The following TACO1 variants were observed in gnomAD, a reference collection of about 807,000 sequenced individuals.
TACO1 encodes the protein translational activator of cytochrome c oxidase I.
A neutral mutation model predicts 24.0 loss-of-function variants in TACO1; 13 were observed. The ratio of observed to expected loss-of-function variants is 0.54; its 90% confidence interval spans 0.35 to 0.86. TACO1 has a LOEUF of 0.86. Ranked by LOEUF, TACO1 falls within the 40% of genes least tolerant of loss-of-function variation. TACO1 has a pLI of 0.01. For synonymous variants in TACO1, 149 were observed against 153.5 expected, an observed-to-expected ratio of 0.97 and a Z score of 0.22; for missense variants, 352 against 380.1, an observed-to-expected ratio of 0.93 and a Z score of 0.61.
In TACO1 at chr17:63,601,167, T is replaced by C. The variant is rs1230358536; in HGVS notation, c.84T>C (p.Pro28=). The part of the protein sequence containing the change: ...LARGPGVRAA[P]PRDPRPSHPE... ...GAGGCCCCGGGGTCAGGGCGGCTCC[T>C]CCGCGCGACCCCCGGCCCTCCCACC... The change falls in exon 1 of 5, where the codon CCT becomes CCC. Residue 28 remains proline, a synonymous_variant. Coordinates refer to ENST00000258975, the MANE Select transcript of TACO1 (RefSeq NM_016360.4). 4.5e-6 allele frequency: 7 copies of C among 1,546,274 alleles called. 1 individual carries two copies. The South Asian group carries it at 8.3e-5, about 18-fold the overall frequency.
chr17:63,601,006 C>G lies in TACO1; in HGVS notation c.-78C>G. 2.0e-6 allele frequency: 3 copies of G among 1,505,516 alleles called. No homozygotes were observed. The South Asian group carries it at 3.6e-5, about 18-fold the overall frequency. The allele number at this position is 1,505,516 out of a possible 1,614,324, so 93.3% of individuals were successfully genotyped here. On this transcript the variant is annotated 5_prime_UTR_variant, in exon 1 of 5. Transcript: ENST00000258975. Reference sequence around the variant, plus strand: ...GCACAGGCGGCCGCGGGGTCCGGAACTGCTTGTTCCGGCAGTGGAAGAGAC... The same window carrying G: ...GCACAGGCGGCCGCGGGGTCCGGAAGTGCTTGTTCCGGCAGTGGAAGAGAC...
At chr17:63,601,461 C>A in intron 1 of TACO1, 98 bp downstream of exon 1, 1 of 1,365,334 alleles carries the variant, frequency 7.3e-7, no homozygotes, top group Non-Finnish European at 1.0e-6. Context: ...AGATCTCCGG[C>A]CCTTCACTTT....
Position 63,606,373 on chromosome 17 carries a change from A to G in TACO1, c.448A>G (p.Ile150Val), listed in dbSNP as rs551788479. 24 of 1,614,174 alleles carry G rather than the reference A, an allele frequency of 1.5e-5. No individual in the cohort carries two copies. In the African/African-American group the frequency reaches 1.9e-4, roughly 13 times the overall value. ...AGGCCCTGGTGGCTCTTCTCTGCTC[A>G]TCGAGGCATTATCTAACAGTAGCCA... ...GRGPGGSSLL[I>V]EALSNSSHKC... is the part of the protein sequence containing the mutation. Residue 150 changes from isoleucine (I) to valine (V), a missense_variant, in exon 3 of 5, where the codon ATC becomes GTC. Ile to Val is a conservative substitution (Grantham distance 29). Coordinates refer to ENST00000258975, the MANE Select transcript of TACO1 (RefSeq NM_016360.4).
At chr17:63,603,680 C>T (rs1458124491) in intron 1 of TACO1, among the ~76,000 whole-genome samples, 3 of 151,784 alleles carry the variant, frequency 2.0e-5, no homozygotes, top group Non-Finnish European at 4.4e-5. Context: ...CATGCCACTG[C>T]ACTCCAGCAT....
rs2033814744 is a variant in TACO1 at position 63,600,927 on chromosome 17, A to G, written c.-157A>G. On this transcript the variant is annotated 5_prime_UTR_variant, in exon 1 of 5. Transcript: ENST00000258975. ...GGTGCCGCGGGGACAGTGTAGGGTC[A>G]TTAGCTGTTGAGCCGCCCCGGGCGG... 1.4e-5 allele frequency: 11 copies of G among 777,518 alleles called. No homozygotes were observed. The highest frequency in any genetic ancestry group is 8.3e-5 in the South Asian group (5 of 59,920). The allele number at this position is 777,518 out of a possible 1,614,324, so 48.2% of individuals were successfully genotyped here.
chr17:63,605,104 C>G (rs750369216), intron 2 of TACO1, among the ~76,000 whole-genome samples: 2 of 151,922 alleles, frequency 1.3e-5, no homozygotes, highest in Non-Finnish European at 2.9e-5. Context: ...CGTCCTTGGT[C>G]ATTGGTTCTA....
intron 3 of TACO1, chr17:63,606,783 A>G (rs999544152): frequency 5.4e-6 from 2 of 373,656 alleles, no homozygotes; most frequent in Non-Finnish European, 1.0e-5. Context: ...TCCTGATCTC[A>G]GGTGATCCAC....
At position 63,601,243 on chromosome 17, in the gene TACO1, G is replaced by A. The variant is rs1413899360; in HGVS notation, c.160G>A (p.Ala54Thr). ...AAPGRTLHFTAAVPAGHNKWS... is the reference protein window; with the variant it reads ...AAPGRTLHFTTAVPAGHNKWS... ...TCCGGGCAGGACGCTGCACTTTACC[G>A]CGGCTGTCCCCGCCGGGCACAACAA... Residue 54 changes from alanine to threonine, a missense_variant, in exon 1 of 5, where the codon GCG becomes ACG. Transcript: ENST00000258975. 4 of 1,607,244 alleles carry A rather than the reference G, an allele frequency of 2.5e-6. No homozygotes were observed. The highest frequency in any genetic ancestry group is 2.2e-5 in the East Asian group (1 of 44,674).
In TACO1 at chr17:63,601,059, A is replaced by C; in HGVS notation, c.-25A>C. ...GCCGGCGTTGGCCGCTGCTGCTAGC[A>C]GCTTGAACCCCAGGGTCGGGACCGA... On this transcript the variant is annotated 5_prime_UTR_variant, in exon 1 of 5. Transcript: ENST00000258975. 1 of 1,538,170 alleles carries C rather than the reference A, an allele frequency of 6.5e-7. No homozygotes were observed. The highest frequency in any genetic ancestry group is 1.2e-5 in the South Asian group (1 of 83,874).
Position 63,607,425 on chromosome 17 carries a change from C to T in TACO1, c.654C>T (p.Val218=). ...EMAIEAGAED[V]KETEDEEERN... ...CAATCGAAGCAGGAGCTGAGGATGT[C>T]AAGGAAACTGAAGATGAAGAAGAAA... is the stretch of plus-strand genomic sequence containing the variant. The change falls in exon 4 of 5, where the codon GTC becomes GTT. Residue 218 remains valine (V), a synonymous_variant. Transcript: ENST00000258975. 6.2e-7 allele frequency: 1 copy of T among 1,614,114 alleles called. No homozygotes were observed. Among genetic ancestry groups the T allele is most frequent in the Non-Finnish European group, 8.5e-7 (1 of 1,180,034 alleles).
intron 3 of TACO1, chr17:63,607,032 A>G: frequency 3.6e-6 from 2 of 555,620 alleles, no homozygotes; most frequent in Non-Finnish European, 6.5e-6. Context: ...TGGCATCTTA[A>G]TGGCACAGGA....
Position 63,607,832 on chromosome 17 carries a change from G to C in TACO1, c.724G>C (p.Val242Leu). The C allele has an allele frequency of 6.2e-7, 1 of 1,614,138 alleles. No homozygotes were observed. Among genetic ancestry groups the C allele is most frequent in the Non-Finnish European group, 8.5e-7 (1 of 1,180,040 alleles). Residue 242 changes from valine (V) to leucine (L), a missense_variant, in exon 5 of 5, where the codon GTG (valine) becomes CTG (leucine). Transcript: ENST00000258975. ...FICDASSLHQ[V>L]RKKLDSLGLC... ...TTGTGATGCCTCTTCACTGCACCAA[G>C]TGAGGAAGAAGCTGGACTCCCTGGG...
chr17:63,606,174 C>CA, intron 2 of TACO1, 139 bp from the exon 3 acceptor site: 1 of 1,149,538 alleles, frequency 8.7e-7, no homozygotes. Flanking sequence ...AGGGTGGGGA[C>CA]AAAAATAAAG....
chr17:63,604,674 C>T, intron 2 of TACO1, 34 bp downstream of exon 2: 1 of 1,578,174 alleles, frequency 6.3e-7, no homozygotes, highest in Non-Finnish European at 8.7e-7. Context: ...TTATTGATCA[C>T]AGCCTCTACC....
At chr17:63,606,223 T>G in intron 2 of TACO1, 90 bp from the exon 3 acceptor site, 290 of 1,499,332 alleles carry the variant, frequency 1.9e-4, no homozygotes, top group Middle Eastern at 2.4e-4. Context: ...GCCCATCCCA[T>G]GGAGTTAGTT....
Position 63,608,263 on chromosome 17 carries a change from A to G in TACO1, c.*261A>G, listed in dbSNP as rs1007611128. 1 of 530,842 alleles carries G rather than the reference A, an allele frequency of 1.9e-6. No individual in the cohort carries two copies. The highest frequency in any genetic ancestry group is 1.9e-5 in the African/African-American group (1 of 52,440). The allele number at this position is 530,842 out of a possible 1,614,324, so 32.9% of individuals were successfully genotyped here. ...AGGGCAGGACCACCCAGCTGGTCAG[A>G]CTCTGATGTTGGGTAGCTGGCCTCT... On this transcript the variant is annotated 3_prime_UTR_variant, in exon 5 of 5. Transcript: ENST00000258975.
chr17:63,606,264 T>A, intron 2 of TACO1, 49 bp from the exon 3 acceptor site: 1 of 1,611,490 alleles, frequency 6.2e-7, no homozygotes, highest in Non-Finnish European at 8.5e-7. Context: ...GGCTGACATG[T>A]GGGAAGGAAT....
intron 2 of TACO1, among the ~76,000 whole-genome samples, chr17:63,605,887 T>G (rs1190088141): frequency 1.3e-5 from 2 of 152,206 alleles, no homozygotes; most frequent in Admixed American, 1.3e-4. Flanking sequence ...CATGCTGTTT[T>G]CAGCAGCTCT....
rs191442785 is a variant in TACO1 at position 63,608,046 on chromosome 17, G to T, written c.*44G>T. ...CGGGTTCCTTCCTAGAAATGTGGCA[G>T]CCCATTCCAGCACACAGGCTTCTGC... On this transcript the variant is annotated 3_prime_UTR_variant, in exon 5 of 5. Transcript: ENST00000258975. The T allele has an allele frequency of 1.7e-3, 2,719 of 1,600,150 alleles. 2 individuals carry two copies. Among genetic ancestry groups the T allele is most frequent in the Non-Finnish European group, 2.1e-3 (2,506 of 1,169,986 alleles).
Sources: allele counts gnomAD v4.1 joint callset (sites outside exome capture counted in the v4.1 genomes callset), GRCh38; gene constraint gnomAD v4.1.1; transcripts MANE v1.5; gene names NCBI Gene and HGNC (gene_info 2026-07-23, HGNC 2026-07-21).